The following SLC39A12 variants were observed in gnomAD, a reference collection of about 807,000 sequenced individuals.
SLC39A12 encodes the protein solute carrier family 39 member 12.
A neutral mutation model predicts 71.1 loss-of-function variants in SLC39A12; 63 were observed. The observed-to-expected ratio is 0.89, with a 90% confidence interval of 0.72 to 1.09. The LOEUF is 1.09. Among genes scored for constraint, SLC39A12 ranks in the 50% least tolerant of loss-of-function variants. The pLI is 0.00. For missense variants in SLC39A12, 892 were observed against 812.6 expected (o/e 1.10, Z -1.19); for synonymous variants, 351 against 301.3 (o/e 1.16, Z -1.71).
At chr10:18,024,164 G>A (rs1288335469) in intron 12 of SLC39A12, among the ~76,000 whole-genome samples, 1 of 152,114 alleles carries the variant, frequency 6.6e-6, no homozygotes, top group East Asian at 1.9e-4. Flanking sequence ...CCAGCAAGGT[G>A]TTGGTGAAAG....
chr10:17,984,881 G>C (rs1036493565), intron 6 of SLC39A12, among the ~76,000 whole-genome samples: 1 of 152,160 alleles, frequency 6.6e-6, no homozygotes, highest in Non-Finnish European at 1.5e-5. Context: ...CCATAGCAAT[G>C]AAAATGTGGT....
At chr10:17,980,354 CA>C (rs1423462094) in intron 5 of SLC39A12, among the ~76,000 whole-genome samples, 1 of 152,092 alleles carries the variant, frequency 6.6e-6, no homozygotes, top group African/African-American at 2.4e-5. Flanking sequence ...AATCTCTATA[CA>C]GTGTGGCAAA....
At chr10:18,029,315 T>G (rs1424597444) in intron 12 of SLC39A12, among the ~76,000 whole-genome samples, 1 of 152,212 alleles carries the variant, frequency 6.6e-6, no homozygotes, top group Non-Finnish European at 1.5e-5. Context: ...TCTGCTGCAT[T>G]TTAAGGAATT....
chr10:17,989,972 G>A (rs922944172), intron 7 of SLC39A12, among the ~76,000 whole-genome samples: 2 of 152,186 alleles, frequency 1.3e-5, no homozygotes, highest in Admixed American at 6.5e-5. Flanking sequence ...TGCAGGACAA[G>A]TGTGGTGGTG....
intron 2 of SLC39A12, among the ~76,000 whole-genome samples, chr10:17,959,085 G>C (rs1331512295): frequency 6.6e-6 from 1 of 152,028 alleles, no homozygotes; most frequent in African/African-American, 2.4e-5. Flanking sequence ...AGGCTATTTT[G>C]TACAAAGAAC....
intron 1 of SLC39A12, among the ~76,000 whole-genome samples, chr10:17,952,660 G>C (rs1209204515): frequency 4.6e-5 from 7 of 151,768 alleles, no homozygotes; most frequent in Admixed American, 3.3e-4. Context: ...GCTAATTTTT[G>C]TATTTTCAGT....
chr10:17,993,280 A>G lies in SLC39A12; in HGVS notation c.1522A>G (p.Thr508Ala). The change falls in exon 9 of 13, where the codon ACT (threonine) becomes GCT (alanine). Residue 508 changes from threonine (T) to alanine (A), a missense_variant. Physicochemically the swap from Thr to Ala is moderately conservative, Grantham distance 58 (BLOSUM62 0). Transcript: ENST00000377369. ...DQAGRGKSAS[T>A]IQLKSPEDSQ... ...GGCAGGCAGAGGCAAATCTGCTTCA[A>G]CTATCCAGTTGGTAGGTTCCTGATC... 1.3e-6 allele frequency: 2 copies of G among 1,550,688 alleles called. No homozygotes were observed. The highest frequency in any genetic ancestry group is 1.2e-5 in the South Asian group (1 of 83,982).
At chr10:18,022,163 C>T (rs1836550729) in intron 12 of SLC39A12, among the ~76,000 whole-genome samples, 1 of 152,130 alleles carries the variant, frequency 6.6e-6, no homozygotes, top group Non-Finnish European at 1.5e-5. Context: ...ATTTGAATGT[C>T]AACCCCTGTA....
chr10:17,993,296 GTTCCTGATCTGAAGCA>G lies in SLC39A12; in HGVS notation c.1533+9_1533+24del, dbSNP rs1835602327. The stretch of plus-strand genomic sequence containing the variant: ...TCTGCTTCAACTATCCAGTTGGTAG[GTTCCTGATCTGAAGCA>G]TTCTACTGATCTGATTACCTTCTCT... On this transcript the variant is annotated splice_donor_region_variant and intron_variant, in intron 9 of 12. Coordinates refer to ENST00000377369, the MANE Select transcript of SLC39A12 (RefSeq NM_001145195.2). 1 of 1,534,068 alleles carries G rather than the reference GTTCCTGATCTGAAGCA, an allele frequency of 6.5e-7. No individual in the cohort carries two copies. Among genetic ancestry groups the G allele is most frequent in the Non-Finnish European group, 8.8e-7 (1 of 1,131,156 alleles).
At position 17,987,615 on chromosome 10, in the gene SLC39A12, ACT is replaced by A; in HGVS notation, c.1234_1235del (p.Leu412ValfsTer17). The A allele has an allele frequency of 6.2e-7, 1 of 1,614,146 alleles. No individual in the cohort carries two copies. The highest frequency in any genetic ancestry group is 8.5e-7 in the Non-Finnish European group (1 of 1,180,032). On this transcript the variant is annotated frameshift_variant, in exon 7 of 13. Transcript: ENST00000377369. LOFTEE classifies it high-confidence loss of function. The part of the protein sequence containing the change: ...QLFVGLAVGT[L>X]SGDALLHLIP... ...TGTTTGTGGGCTTGGCCGTCGGGACACTGTCTGGGGACGCTCTGCTCCACCTT... is the reference window on the plus strand; with the variant it reads ...TGTTTGTGGGCTTGGCCGTCGGGACAGTCTGGGGACGCTCTGCTCCACCTT...
intron 2 of SLC39A12, among the ~76,000 whole-genome samples, chr10:17,956,295 G>A (rs983590178): frequency 6.6e-6 from 1 of 151,936 alleles, no homozygotes; most frequent in African/African-American, 2.4e-5. Context: ...ATGGACATGT[G>A]CTCCTCAGGG....
At position 17,985,928 on chromosome 10, in the gene SLC39A12, A is replaced by G. The variant is rs568628271; in HGVS notation, c.1097-1551A>G. Reference sequence around the variant, plus strand: ...CAAAATGTAGATTGTTCAGATTTTTATTATCGACTGTTACACATTCATTGA... The same window carrying G: ...CAAAATGTAGATTGTTCAGATTTTTGTTATCGACTGTTACACATTCATTGA... On this transcript the variant is annotated intron_variant, in intron 6 of 12. Transcript: ENST00000377369. Among the ~76,000 whole-genome samples the G allele has an allele frequency of 1.6e-4, 25 of 152,324 alleles. No homozygotes were observed. In the East Asian group the frequency reaches 4.8e-3, roughly 29 times the overall value.
intron 7 of SLC39A12, among the ~76,000 whole-genome samples, 167 bp from the exon 8 acceptor site, chr10:17,990,984 T>C (rs1403543536): frequency 2.6e-5 from 4 of 152,222 alleles, no homozygotes; most frequent in Admixed American, 6.6e-5. Context: ...AGCATTCACA[T>C]ACCCAAAAGC....
At chr10:18,011,587 A>G (rs1836225793) in intron 12 of SLC39A12, among the ~76,000 whole-genome samples, 1 of 152,188 alleles carries the variant, frequency 6.6e-6, no homozygotes, top group Non-Finnish European at 1.5e-5. Flanking sequence ...AGGGATCAGC[A>G]TCCTAACCCC....
At chr10:17,962,103 G>A (rs1834706896) in intron 3 of SLC39A12, among the ~76,000 whole-genome samples, 1 of 152,198 alleles carries the variant, frequency 6.6e-6, no homozygotes, top group African/African-American at 2.4e-5. Flanking sequence ...GGCAGTCCAG[G>A]TGACAGGTCA....
At position 17,977,985 on chromosome 10, in the gene SLC39A12, A is replaced by G; in HGVS notation, c.835A>G (p.Asn279Asp). The G allele has an allele frequency of 1.9e-6, 3 of 1,612,200 alleles. 1 individual carries two copies. The South Asian group carries it at 3.3e-5, about 18-fold the overall frequency. Residue 279 changes from asparagine (N) to aspartate (D), a missense_variant, in exon 5 of 13, where the codon AAC becomes GAC. By Grantham distance (23) the Asn-to-Asp change is conservative. Coordinates refer to ENST00000377369, the MANE Select transcript of SLC39A12 (RefSeq NM_001145195.2). ...EKIHQFQRKQNNIITHDQDYS... is the reference protein window; with the variant it reads ...EKIHQFQRKQDNIITHDQDYS... ...AATCCATCAATTTCAAAGGAAACAA[A>G]ACAACATAATAACCCATGATCAGGA...
Position 18,042,458 on chromosome 10 carries a change from C to CAAAA in SLC39A12, c.1948-246_1948-243dup, listed in dbSNP as rs1486442685. Among the ~76,000 whole-genome samples, 6 of 30,776 alleles carry CAAAA rather than the reference C, an allele frequency of 1.9e-4. No homozygotes were observed. The East Asian group carries it at 2.2e-3, about 11-fold the overall frequency. The allele number at this position is 30,776 out of a possible 152,430, so 20.2% of individuals were successfully genotyped here. On this transcript the variant is annotated intron_variant, in intron 12 of 12. Transcript: ENST00000377369. ...GGGTGACAGGGCAAAGACCCTGCCT[C>CAAAA]AAAAGAAAAAAAAAAAAAAAAAAAA... is the stretch of plus-strand genomic sequence containing the variant.
intron 8 of SLC39A12, 71 bp from the exon 9 acceptor site, chr10:17,993,110 C>A: frequency 9.2e-7 from 1 of 1,087,554 alleles, no homozygotes; most frequent in Non-Finnish European, 1.3e-6. Context: ...TGGAATGGAA[C>A]CGTGGCATTG....
chr10:17,963,310 A>G (rs1834739291), intron 3 of SLC39A12, among the ~76,000 whole-genome samples: 1 of 152,214 alleles, frequency 6.6e-6, no homozygotes, highest in Admixed American at 6.5e-5. Flanking sequence ...GGCTGCTAAC[A>G]TTTTAATCCT....
Sources: gnomAD v4.1 joint callset for allele counts (sites outside exome capture counted in the v4.1 genomes callset) on GRCh38, gnomAD v4.1.1 for gene constraint, MANE v1.5 for transcripts, NCBI Gene and HGNC (gene_info 2026-07-23, HGNC 2026-07-21) for gene names.